The following TRDN variants were observed in gnomAD, a reference collection of about 807,000 sequenced individuals.
TRDN encodes the protein triadin in skeletal muscle.
Under a neutral mutation model 149.7 loss-of-function variants are expected in TRDN, and 161 were observed. That is an observed-to-expected ratio of 1.08 (90% confidence interval 0.95 to 1.23). The LOEUF (loss-of-function observed/expected upper bound fraction) is 1.23, where lower values mean the gene tolerates loss of function less well. TRDN is among the 50% of genes most tolerant of loss of function. TRDN has a pLI of 0.00. For missense variants in TRDN, 896 were observed against 823.5 expected (o/e 1.09, Z -1.08); for synonymous variants, 294 against 250.5 (o/e 1.17, Z -1.64).
intron 24 of TRDN, among the ~76,000 whole-genome samples, chr6:123,306,909 T>C (rs1451888109): frequency 6.6e-6 from 1 of 151,912 alleles, no homozygotes; most frequent in Non-Finnish European, 1.5e-5. Context: ...AAAAAAGAAA[T>C]TTAGTGTCCA....
chr6:123,528,037 T>C (rs985542013), intron 5 of TRDN, among the ~76,000 whole-genome samples: 3 of 151,876 alleles, frequency 2.0e-5, no homozygotes, highest in Non-Finnish European at 4.4e-5. Flanking sequence ...TGCTGCATTC[T>C]TCCCTGAGGA....
chr6:123,346,278 C>G (rs1056763518), intron 21 of TRDN, among the ~76,000 whole-genome samples: 5 of 151,980 alleles, frequency 3.3e-5, no homozygotes, highest in Non-Finnish European at 7.4e-5. Flanking sequence ...CATTACTATT[C>G]ATAGGGTCAT....
chr6:123,315,619 A>G (rs1370305402), intron 24 of TRDN, among the ~76,000 whole-genome samples: 1 of 151,954 alleles, frequency 6.6e-6, no homozygotes, highest in African/African-American at 2.4e-5. Context: ...TTGTAGTATC[A>G]CTTTCACTCT....
At chr6:123,516,654 A>G (rs1186782567) in intron 5 of TRDN, among the ~76,000 whole-genome samples, 3 of 152,130 alleles carry the variant, frequency 2.0e-5, no homozygotes, top group Non-Finnish European at 4.4e-5. Flanking sequence ...CTACAGAAAC[A>G]TTCTACACTA....
intron 1 of TRDN, among the ~76,000 whole-genome samples, chr6:123,582,192 C>G (rs528247730): frequency 7.9e-5 from 12 of 152,014 alleles, no homozygotes; most frequent in African/African-American, 2.9e-4. Context: ...CATTTCCACT[C>G]GAACTGAGGG....
intron 31 of TRDN, among the ~76,000 whole-genome samples, chr6:123,269,153 T>C (rs555740297): frequency 4.6e-5 from 7 of 152,138 alleles, no homozygotes; most frequent in African/African-American, 1.4e-4. Flanking sequence ...ATTGAATATA[T>C]TTGCTACCAC....
intron 4 of TRDN, 68 bp from the exon 5 acceptor site, chr6:123,530,633 C>A: frequency 1.1e-6 from 1 of 947,304 alleles, no homozygotes; most frequent in Non-Finnish European, 1.4e-6. Context: ...ATAGCTATGA[C>A]CTAAACTTTA....
chr6:123,272,856 G>T, intron 29 of TRDN, 108 bp downstream of exon 29: 1 of 830,684 alleles, frequency 1.2e-6, no homozygotes, highest in Non-Finnish European at 1.8e-6. Flanking sequence ...TATGACTTAA[G>T]ACATGAATTG....
chr6:123,359,317 G>A (rs1023529920), intron 20 of TRDN, among the ~76,000 whole-genome samples: 1 of 152,172 alleles, frequency 6.6e-6, no homozygotes, highest in East Asian at 1.9e-4. Context: ...GTCTAAAGAT[G>A]AAGTTGGAAA....
intron 38 of TRDN, among the ~76,000 whole-genome samples, chr6:123,233,619 T>C (rs1051584861): frequency 2.0e-5 from 3 of 152,068 alleles, no homozygotes; most frequent in African/African-American, 4.8e-5. Context: ...ATGCGCCTTA[T>C]ACACAACCTT....
chr6:123,571,033 A>G lies in TRDN; in HGVS notation c.122T>C (p.Val41Ala). The change falls in exon 2 of 41, where the codon GTG (valine) becomes GCG (alanine). Residue 41 changes from valine (V) to alanine (A), a missense_variant. Transcript: ENST00000334268. ...VLKRTVTEDI[V>A]TTFSSPAAWL... ...GGCTGCAGGGGAGCTGAACGTCGTC[A>G]CTATGTCTTCTGTGACTGTCCTCTT... 1 of 1,613,992 alleles carries G rather than the reference A, an allele frequency of 6.2e-7. No homozygotes were observed. The highest frequency in any genetic ancestry group is 1.3e-5 in the African/African-American group (1 of 75,042).
At chr6:123,411,323 G>A (rs1773434187) in intron 12 of TRDN, among the ~76,000 whole-genome samples, 1 of 152,068 alleles carries the variant, frequency 6.6e-6, no homozygotes, top group African/African-American at 2.4e-5. Context: ...GGGATTAGAA[G>A]CATGAGCCAC....
chr6:123,620,049 C>A (rs980741772), intron 1 of TRDN, among the ~76,000 whole-genome samples: 1 of 152,106 alleles, frequency 6.6e-6, no homozygotes, highest in African/African-American at 2.4e-5. Flanking sequence ...TGAAAAGAAT[C>A]TTCTTGTGCA....
intron 32 of TRDN, among the ~76,000 whole-genome samples, 161 bp downstream of exon 32, chr6:123,267,546 T>C (rs1441248642): frequency 6.6e-6 from 1 of 152,118 alleles, no homozygotes; most frequent in African/African-American, 2.4e-5. Context: ...TTGACAACAA[T>C]ATTGCCCTTA....
At chr6:123,477,635 C>T (rs1777552282) in intron 9 of TRDN, among the ~76,000 whole-genome samples, 1 of 151,870 alleles carries the variant, frequency 6.6e-6, no homozygotes, top group Non-Finnish European at 1.5e-5. Flanking sequence ...GCATTATTCA[C>T]AGTAGCAAAG....
chr6:123,435,151 T>C (rs543114538), intron 12 of TRDN, among the ~76,000 whole-genome samples: 2 of 150,330 alleles, frequency 1.3e-5, no homozygotes, highest in Non-Finnish European at 3.0e-5. Context: ...AATATTAACA[T>C]TAACATAAAT....
chr6:123,465,582 CAA>C (rs1223948612), intron 9 of TRDN, among the ~76,000 whole-genome samples: 227 of 65,538 alleles, frequency 3.5e-3, no homozygotes, highest in African/African-American at 0.01. Flanking sequence ...TTATGAACTG[CAA>C]AAAAAAAAAA....
intron 24 of TRDN, among the ~76,000 whole-genome samples, chr6:123,314,881 T>C (rs1778967386): frequency 6.6e-6 from 1 of 151,800 alleles, no homozygotes; most frequent in Admixed American, 6.6e-5. Context: ...TCAGAAAAAA[T>C]AACTAATGGA....
chr6:123,537,664 C>G (rs1177586403), intron 4 of TRDN, among the ~76,000 whole-genome samples: 1 of 152,084 alleles, frequency 6.6e-6, no homozygotes, highest in African/African-American at 2.4e-5. Flanking sequence ...TACATTTTCC[C>G]CAGACTCTCT....
Sources: gnomAD v4.1 joint callset for allele counts (sites outside exome capture counted in the v4.1 genomes callset) on GRCh38, gnomAD v4.1.1 for gene constraint, MANE v1.5 for transcripts, NCBI Gene and HGNC (gene_info 2026-07-23, HGNC 2026-07-21) for gene names.